Variants in CATIP observed in about 807,000 individuals in gnomAD.
CATIP encodes the protein ciliogenesis associated TTC17 interacting protein.
CATIP carries 40 observed loss-of-function variants against 42.5 expected under a neutral mutation model. That is an observed-to-expected ratio of 0.94 (90% CI 0.73 to 1.22). The LOEUF (loss-of-function observed/expected upper bound fraction) is 1.22, where lower values mean the gene tolerates loss of function less well. Ranked by LOEUF, CATIP falls within the 50% of genes most tolerant of loss-of-function variation. The probability of loss-of-function intolerance (pLI) is 0.00; values close to 1 mark genes in which losing one functional copy is unlikely to be tolerated. For synonymous variants in CATIP, 222 were observed against 200.2 expected (o/e 1.11, Z -0.92); for missense variants, 489 against 496.0 (o/e 0.99, Z 0.13).
chr2:218,365,215 C>T (rs1288267790), intron 7 of CATIP, among the ~76,000 whole-genome samples: 1 of 152,034 alleles, frequency 6.6e-6, no homozygotes, highest in Non-Finnish European at 1.5e-5. Context: ...GAAATTGAGA[C>T]CATCCTGGCT....
rs1333565948 is a variant in CATIP at position 218,367,657 on chromosome 2, C to G, written c.922-65C>G. On this transcript the variant is annotated intron_variant, in intron 9 of 9. Coordinates refer to ENST00000289388, the MANE Select transcript of CATIP (RefSeq NM_198559.2). ...GCCCCTTAGCTCTCCTTGGAGCGAG[C>G]GGCTGGGGGCTCCTGGGGCGCGGGG... 36 of 1,577,342 alleles carry G rather than the reference C, an allele frequency of 2.3e-5. 1 individual carries two copies. In the South Asian group the frequency reaches 4.0e-4, roughly 17 times the overall value.
chr2:218,362,705 A>G (rs1345329517), intron 5 of CATIP, 30 bp from the exon 6 acceptor site: 2 of 1,601,158 alleles, frequency 1.2e-6, no homozygotes, highest in Admixed American at 1.7e-5. Context: ...TCCTGGTTCC[A>G]GGACCCTGAC....
At chr2:218,365,788 C>T (rs1268801914) in intron 7 of CATIP, 2 of 151,310 alleles carry the variant, frequency 1.3e-5, no homozygotes, top group Non-Finnish European at 2.9e-5. Flanking sequence ...CTTTCTTTCT[C>T]CTTCCTTCCT....
At position 218,362,821 on chromosome 2, in the gene CATIP, G is replaced by C; in HGVS notation, c.549G>C (p.Val183=). ...CTGCCAACCTGGTGCTGCTCAGGGT[G>C]ATGGCCTGGCGGCGGATGGTGCCCA... is the stretch of plus-strand genomic sequence containing the variant. The part of the protein sequence containing the change: ...SEAANLVLLR[V]MAWRRMVPSN... The change falls in exon 6 of 10, where the codon GTG becomes GTC. Residue 183 remains valine (V), a synonymous_variant. Coordinates refer to ENST00000289388, the MANE Select transcript of CATIP (RefSeq NM_198559.2). 6.2e-7 allele frequency: 1 copy of C among 1,614,144 alleles called. No homozygotes were observed.
At chr2:218,360,514 G>A (rs1362198692) in intron 4 of CATIP, 59 bp from the exon 5 acceptor site, 2 of 1,316,562 alleles carry the variant, frequency 1.5e-6, no homozygotes, top group Non-Finnish European at 1.1e-6. Flanking sequence ...AGAAGGGTCA[G>A]GTGACCTCTG....
At chr2:218,366,755 G>T in intron 7 of CATIP, 2 of 430,072 alleles carry the variant, frequency 4.7e-6, no homozygotes, top group South Asian at 4.1e-5. Flanking sequence ...TGTCTTCCTA[G>T]CTTGCAGACA....
At chr2:218,362,370 A>T (rs9677109) in intron 5 of CATIP, among the ~76,000 whole-genome samples, 38 of 142,062 alleles carry the variant, frequency 2.7e-4, no homozygotes, top group African/African-American at 8.0e-4. Flanking sequence ...AAAAAAAAAA[A>T]GGCTCACGCC....
At chr2:218,364,929 A>G (rs889670542) in intron 7 of CATIP, among the ~76,000 whole-genome samples, 177 bp downstream of exon 7, 2 of 152,200 alleles carry the variant, frequency 1.3e-5, no homozygotes, top group African/African-American at 2.4e-5. Context: ...TAACCCTCAC[A>G]GTGCCTCCCA....
chr2:218,360,351 C>G (rs1002127160), intron 4 of CATIP, among the ~76,000 whole-genome samples: 3 of 151,794 alleles, frequency 2.0e-5, no homozygotes, highest in Non-Finnish European at 4.4e-5. Context: ...GGGGTTTCAC[C>G]GTGTTAGCCA....
At chr2:218,360,344 G>A (rs1466911538) in intron 4 of CATIP, among the ~76,000 whole-genome samples, 1 of 151,790 alleles carries the variant, frequency 6.6e-6, no homozygotes, top group Non-Finnish European at 1.5e-5. Flanking sequence ...TAGAGACGGG[G>A]TTTCACCGTG....
chr2:218,367,575 T>A (rs575269749), intron 9 of CATIP, 57 bp downstream of exon 9: 1 of 1,604,410 alleles, frequency 6.2e-7, no homozygotes, highest in South Asian at 1.1e-5. Flanking sequence ...CTTAAATTCA[T>A]TACTGATCTC....
intron 4 of CATIP, 78 bp from the exon 5 acceptor site, chr2:218,360,495 C>T: frequency 9.0e-7 from 1 of 1,108,212 alleles, no homozygotes; most frequent in South Asian, 1.3e-5. Context: ...TCAGTTTTCT[C>T]ATTAATGGAG....
intron 7 of CATIP, chr2:218,366,003 C>G (rs1695419803): frequency 6.6e-6 from 1 of 152,076 alleles, no homozygotes. Flanking sequence ...TTAGTAGAAA[C>G]AGGCTTTCAC....
At position 218,367,999 on chromosome 2, in the gene CATIP, G is replaced by T. The variant is rs779282326; in HGVS notation, c.*35G>T. On this transcript the variant is annotated 3_prime_UTR_variant, in exon 10 of 10. Coordinates refer to ENST00000289388, the MANE Select transcript of CATIP (RefSeq NM_198559.2). ...AGGCCCGGACAGGGCAGGAAACCAG[G>T]GGTCGGGCTGGGACGCGGGCGGGAC... The T allele has an allele frequency of 6.7e-7, 1 of 1,491,042 alleles. No individual in the cohort carries two copies. Among genetic ancestry groups the T allele is most frequent in the South Asian group, 1.3e-5 (1 of 78,640 alleles). 92.4% of individuals were successfully genotyped at this position (1,491,042 alleles called of 1,614,324 possible). A position where few individuals can be genotyped will look rare whatever the true frequency, so the allele number is the denominator to read the frequency against.
chr2:218,367,267 G>T, intron 8 of CATIP, 163 bp from the exon 9 acceptor site: 1 of 789,364 alleles, frequency 1.3e-6, no homozygotes, highest in Non-Finnish European at 2.1e-6. Flanking sequence ...AGCAATAAGA[G>T]GAGGATCTTT....
At chr2:218,362,938 G>T (rs1330172871) in intron 6 of CATIP, 36 bp downstream of exon 6, 2 of 1,581,272 alleles carry the variant, frequency 1.3e-6, no homozygotes, top group South Asian at 2.3e-5. Flanking sequence ...CTTGGCTTGG[G>T]AGCGAACTAG....
At chr2:218,358,940 C>T (rs1201213290) in intron 4 of CATIP, among the ~76,000 whole-genome samples, 1 of 151,428 alleles carries the variant, frequency 6.6e-6, no homozygotes, top group Non-Finnish European at 1.5e-5. Flanking sequence ...CACGGTGGCT[C>T]ACGCCTGTAA....
rs938550245 is a variant in CATIP, at chr2:218,368,081, C to T, written c.*117C>T. On this transcript the variant is annotated 3_prime_UTR_variant, in exon 10 of 10. Transcript: ENST00000289388. ...GTTTTGGGGGAATAAATGGGGCCCT[C>T]CCGCTTCTCTGCAGCGCCCGTCGAC... The T allele has an allele frequency of 1.1e-5, 14 of 1,238,174 alleles. No homozygotes were observed. The highest frequency in any genetic ancestry group is 3.1e-5 in the Admixed American group (1 of 32,480). 76.7% of individuals were successfully genotyped at this position (1,238,174 alleles called of 1,614,324 possible).
chr2:218,359,281 G>A (rs1431841536), intron 4 of CATIP, among the ~76,000 whole-genome samples: 1 of 145,764 alleles, frequency 6.9e-6, no homozygotes, highest in Admixed American at 7.0e-5. Context: ...GGCGAAGGTC[G>A]CAGTAAGCCA....
Sources: allele counts gnomAD v4.1 joint callset (sites outside exome capture counted in the v4.1 genomes callset), GRCh38; gene constraint gnomAD v4.1.1; transcripts MANE v1.5; gene names NCBI Gene and HGNC (gene_info 2026-07-23, HGNC 2026-07-21).